NDST4: variants seen among roughly 807,000 people sequenced by gnomAD.
NDST4 encodes the protein N-heparan sulfate sulfotransferase 4.
A neutral mutation model predicts 100.8 loss-of-function variants in NDST4; 63 were observed. That is an observed-to-expected ratio of 0.62 (90% CI 0.51 to 0.77). The LOEUF is 0.77. Among genes scored for constraint, NDST4 ranks in the 30% least tolerant of loss-of-function variants. NDST4 has a pLI of 0.00. For missense variants in NDST4, 943 were observed against 1,018.4 expected (o/e 0.93, Z 1.01); for synonymous variants, 377 against 361.8 (o/e 1.04, Z -0.48).
chr4:115,002,933 A>G (rs1727330221), intron 2 of NDST4, among the ~76,000 whole-genome samples: 1 of 152,190 alleles, frequency 6.6e-6, no homozygotes, highest in Non-Finnish European at 1.5e-5. Flanking sequence ...TTTCAGGGAC[A>G]TGGATGAAGC....
At chr4:114,992,460 T>C (rs1727062047) in intron 2 of NDST4, among the ~76,000 whole-genome samples, 1 of 151,892 alleles carries the variant, frequency 6.6e-6, no homozygotes, top group African/African-American at 2.4e-5. Flanking sequence ...TAATTAAAGT[T>C]CCGAATTTAC....
chr4:115,072,644 C>T (rs1365611403), intron 2 of NDST4, among the ~76,000 whole-genome samples: 2 of 151,852 alleles, frequency 1.3e-5, no homozygotes, highest in Non-Finnish European at 2.9e-5. Flanking sequence ...TAGGCAGAAG[C>T]ATGAAATTAG....
intron 4 of NDST4, among the ~76,000 whole-genome samples, chr4:114,939,612 A>T (rs767357817): frequency 6.6e-6 from 1 of 152,160 alleles, no homozygotes; most frequent in Non-Finnish European, 1.5e-5. Flanking sequence ...AATATCAAAC[A>T]ACTATATCTC....
chr4:114,875,164 C>G (rs1724231026), intron 6 of NDST4, among the ~76,000 whole-genome samples: 2 of 152,140 alleles, frequency 1.3e-5, no homozygotes, highest in Non-Finnish European at 2.9e-5. Context: ...CAAGAGGGCA[C>G]CAAGGTCTGG....
At chr4:115,079,441 T>C (rs1729257596) in intron 1 of NDST4, among the ~76,000 whole-genome samples, 1 of 152,180 alleles carries the variant, frequency 6.6e-6, no homozygotes, top group Admixed American at 6.6e-5. Context: ...ATGTTTTTCT[T>C]TGTATAGATG....
chr4:115,027,248 C>T lies in NDST4; in HGVS notation c.978+48811G>A, dbSNP rs138833625. Among the ~76,000 whole-genome samples the T allele has an allele frequency of 2.7e-3, 411 of 152,252 alleles. 1 individual carries two copies. The highest frequency in any genetic ancestry group is 9.5e-3 in the African/African-American group (396 of 41,574). On this transcript the variant is annotated intron_variant, in intron 2 of 13. Coordinates refer to ENST00000264363, the MANE Select transcript of NDST4 (RefSeq NM_022569.3). ...ATATGTTGGAGTCTTTACATGCTCC[C>T]ACACATTCCCCTTGAACAGGACTTC...
intron 2 of NDST4, among the ~76,000 whole-genome samples, chr4:114,980,777 G>T (rs923901419): frequency 6.6e-6 from 1 of 151,900 alleles, no homozygotes; most frequent in Non-Finnish European, 1.5e-5. Context: ...TTCTTTTACT[G>T]CTTATGAAGA....
At chr4:114,900,438 C>A (rs1208851871) in intron 6 of NDST4, among the ~76,000 whole-genome samples, 1 of 152,042 alleles carries the variant, frequency 6.6e-6, no homozygotes, top group Non-Finnish European at 1.5e-5. Context: ...CAGTAATGGA[C>A]TACATAACAG....
At chr4:114,829,225 A>G (rs531491598) in intron 13 of NDST4, among the ~76,000 whole-genome samples, 105 of 151,886 alleles carry the variant, frequency 6.9e-4, no homozygotes, top group Non-Finnish European at 1.2e-3. Context: ...CAGATAAGAC[A>G]TTTCTTCTCA....
intron 6 of NDST4, among the ~76,000 whole-genome samples, chr4:114,919,984 A>G (rs1372375793): frequency 6.6e-6 from 1 of 152,190 alleles, no homozygotes; most frequent in Non-Finnish European, 1.5e-5. Flanking sequence ...ATTATTGGGA[A>G]GTTGCCTACC....
At chr4:114,996,973 A>G (rs976339880) in intron 2 of NDST4, among the ~76,000 whole-genome samples, 11 of 152,124 alleles carry the variant, frequency 7.2e-5, no homozygotes, top group Non-Finnish European at 1.5e-4. Flanking sequence ...TATTGTATTA[A>G]ATAGGTACTT....
At chr4:114,851,893 A>C (rs1723682886) in intron 8 of NDST4, among the ~76,000 whole-genome samples, 1 of 152,162 alleles carries the variant, frequency 6.6e-6, no homozygotes, top group Non-Finnish European at 1.5e-5. Context: ...CTTGTATTAC[A>C]AATACCTTCA....
intron 6 of NDST4, among the ~76,000 whole-genome samples, chr4:114,877,325 A>G (rs565450057): frequency 2.0e-5 from 3 of 152,274 alleles, no homozygotes; most frequent in Admixed American, 6.5e-5. Flanking sequence ...TCACTTACAT[A>G]TTTTTACTTT....
At chr4:114,930,986 A>G (rs1725499465) in intron 6 of NDST4, among the ~76,000 whole-genome samples, 1 of 152,186 alleles carries the variant, frequency 6.6e-6, no homozygotes, top group Admixed American at 6.5e-5. Flanking sequence ...CAAGCACACA[A>G]AGATAATACA....
intron 6 of NDST4, among the ~76,000 whole-genome samples, chr4:114,874,511 C>T (rs1179076370): frequency 1.3e-5 from 2 of 152,180 alleles, no homozygotes; most frequent in African/African-American, 4.8e-5. Flanking sequence ...GCAACATGTG[C>T]ACATGCCTTA....
chr4:115,014,230 C>T (rs555808679), intron 2 of NDST4, among the ~76,000 whole-genome samples: 1 of 152,208 alleles, frequency 6.6e-6, no homozygotes, highest in South Asian at 2.1e-4. Flanking sequence ...TATATCAACT[C>T]TCCAGCCCTA....
chr4:115,013,718 C>T (rs1292706423), intron 2 of NDST4, among the ~76,000 whole-genome samples: 2 of 151,830 alleles, frequency 1.3e-5, no homozygotes, highest in East Asian at 1.9e-4. Flanking sequence ...GAATGCATAA[C>T]TGGAATGGAT....
intron 8 of NDST4, among the ~76,000 whole-genome samples, chr4:114,849,619 G>A (rs1723629215): frequency 6.6e-6 from 1 of 152,094 alleles, no homozygotes; most frequent in Non-Finnish European, 1.5e-5. Flanking sequence ...CAGATCCATG[G>A]GGACCAACCA....
At chr4:114,995,522 G>C (rs1347556132) in intron 2 of NDST4, among the ~76,000 whole-genome samples, 1 of 152,012 alleles carries the variant, frequency 6.6e-6, no homozygotes, top group African/African-American at 2.4e-5. Flanking sequence ...ATCTGACTTA[G>C]ACATACATGT....
Sources: gnomAD v4.1 joint callset for allele counts (sites outside exome capture counted in the v4.1 genomes callset) on GRCh38, gnomAD v4.1.1 for gene constraint, MANE v1.5 for transcripts, NCBI Gene and HGNC (gene_info 2026-07-23, HGNC 2026-07-21) for gene names.